FNBP4: variants seen among roughly 807,000 people sequenced by gnomAD.
The protein encoded by FNBP4 is formin-binding protein 4.
In FNBP4, 34 loss-of-function variants were observed where a neutral mutation model predicts 119.3. The ratio of observed to expected loss-of-function variants is 0.28; its 90% CI spans 0.22 to 0.38. The LOEUF (loss-of-function observed/expected upper bound fraction) is 0.38, where lower values mean the gene tolerates loss of function less well. Ranked by LOEUF, FNBP4 falls within the 10% of genes least tolerant of loss-of-function variation. FNBP4 has a pLI of 1.00. For synonymous variants in FNBP4, 462 were observed against 430.6 expected (o/e 1.07, Z -0.90); for missense variants, 1,112 against 1,228.9 (o/e 0.90, Z 1.42).
At chr11:47,756,879 C>A (rs1010459643) in intron 2 of FNBP4, among the ~76,000 whole-genome samples, 7 of 152,004 alleles carry the variant, frequency 4.6e-5, no homozygotes, top group Non-Finnish European at 1.0e-4. Flanking sequence ...TGAACTCATC[C>A]TTTTTTATGG....
Position 47,765,297 on chromosome 11 carries a change from T to C in FNBP4, c.286A>G (p.Thr96Ala), listed in dbSNP as rs1433958571. 6.2e-7 allele frequency: 1 copy of C among 1,611,834 alleles called. No homozygotes were observed. Among genetic ancestry groups the C allele is most frequent in the East Asian group, 2.2e-5 (1 of 44,790 alleles). ...GTTGCTTTAACAGCTGTGGGTCTAG[T>C]GGTCATGACTGGTTTTGGAGGATTC... ...VQNPPKPVMT[T>A]RPTAVKATGG... The change falls in exon 2 of 17, where the codon ACT becomes GCT. Residue 96 changes from threonine (T) to alanine (A), a missense_variant. By Grantham distance (58) the Thr-to-Ala change is moderately conservative. Transcript: ENST00000263773.
intron 8 of FNBP4, among the ~76,000 whole-genome samples, chr11:47,740,964 C>G (rs1267547850): frequency 6.6e-6 from 1 of 150,732 alleles, no homozygotes; most frequent in Admixed American, 6.6e-5. Context: ...TCTCAGCTCA[C>G]CACAACCTCC....
intron 12 of FNBP4, among the ~76,000 whole-genome samples, chr11:47,730,705 T>C (rs1016296014): frequency 1.3e-5 from 2 of 152,182 alleles, no homozygotes; most frequent in Non-Finnish European, 2.9e-5. Flanking sequence ...TCTTTACACA[T>C]TGGAAACTTT....
At chr11:47,730,708 G>C (rs2097566388) in intron 12 of FNBP4, among the ~76,000 whole-genome samples, 1 of 152,104 alleles carries the variant, frequency 6.6e-6, no homozygotes, top group Middle Eastern at 3.2e-3. Flanking sequence ...TTACACATTG[G>C]AAACTTTTTA....
At chr11:47,747,549 T>G (rs1475280762) in intron 6 of FNBP4, among the ~76,000 whole-genome samples, 1 of 152,134 alleles carries the variant, frequency 6.6e-6, no homozygotes, top group African/African-American at 2.4e-5. Flanking sequence ...TCAGGTGATC[T>G]GCCCACCTCA....
At position 47,751,304 on chromosome 11, in the gene FNBP4, C is replaced by G. The variant is rs573088152; in HGVS notation, c.638-14G>C. On this transcript the variant is annotated splice_polypyrimidine_tract_variant and intron_variant, in intron 4 of 16. Coordinates refer to ENST00000263773, the MANE Select transcript of FNBP4 (RefSeq NM_015308.5). ...TCTCAATTCCGACTAGAAGATAAAA[C>G]AAATTTTAAGCACAAATCCCTCTAC... 1 of 1,613,644 alleles carries G rather than the reference C, an allele frequency of 6.2e-7. No individual in the cohort carries two copies. Among genetic ancestry groups the G allele is most frequent in the Admixed American group, 1.7e-5 (1 of 59,934 alleles).
intron 8 of FNBP4, among the ~76,000 whole-genome samples, chr11:47,741,588 C>T (rs1412130830): frequency 1.3e-5 from 2 of 151,516 alleles, no homozygotes; most frequent in African/African-American, 4.9e-5. Flanking sequence ...GAGGCTGAGG[C>T]GGGTGGATCA....
At chr11:47,728,860 T>C (rs1423346377) in intron 12 of FNBP4, among the ~76,000 whole-genome samples, 1 of 149,866 alleles carries the variant, frequency 6.7e-6, no homozygotes, top group Non-Finnish European at 1.5e-5. Flanking sequence ...TTTTTTTTTT[T>C]TTTTTTTTTA....
At chr11:47,760,055 T>TA (rs1241114987) in intron 2 of FNBP4, among the ~76,000 whole-genome samples, 1 of 152,194 alleles carries the variant, frequency 6.6e-6, no homozygotes, top group Non-Finnish European at 1.5e-5. Context: ...GTATTTTCAT[T>TA]ACAAAATTTC....
intron 9 of FNBP4, among the ~76,000 whole-genome samples, chr11:47,735,141 G>A (rs1393653805): frequency 6.6e-6 from 1 of 152,100 alleles, no homozygotes; most frequent in African/African-American, 2.4e-5. Context: ...TACCTGGTTT[G>A]TGATAATCAT....
At chr11:47,720,714 A>G (rs536974206) in intron 15 of FNBP4, among the ~76,000 whole-genome samples, 2 of 151,462 alleles carry the variant, frequency 1.3e-5, no homozygotes, top group South Asian at 4.2e-4. Flanking sequence ...TCAGAATTAC[A>G]GTGTTCCCGT....
chr11:47,752,065 A>C (rs757537407), intron 4 of FNBP4, among the ~76,000 whole-genome samples: 10 of 152,158 alleles, frequency 6.6e-5, no homozygotes, highest in Non-Finnish European at 1.5e-4. Context: ...TTTAAAAGAT[A>C]AAAATTACAT....
intron 8 of FNBP4, among the ~76,000 whole-genome samples, chr11:47,743,407 T>A (rs1285267663): frequency 6.6e-6 from 1 of 151,962 alleles, no homozygotes; most frequent in Non-Finnish European, 1.5e-5. Flanking sequence ...TGCTTGAATC[T>A]GGGAGGCGGA....
Position 47,746,120 on chromosome 11 carries a change from C to A in FNBP4, c.1181G>T (p.Gly394Val). Residue 394 changes from glycine to valine, a missense_variant, in exon 7 of 17, where the codon GGA (glycine) becomes GTA (valine). Gly to Val is a moderately radical substitution (Grantham distance 109, BLOSUM62 -3). Coordinates refer to ENST00000263773, the MANE Select transcript of FNBP4 (RefSeq NM_015308.5). ...QEDLCSVVQS[G>V]ESEEEEEQDT... ...TTGTTCCTCTTCCTCCTCACTTTCTCCAGATTGGACAACACTGCAAAGATC... is the reference window on the plus strand; with the variant it reads ...TTGTTCCTCTTCCTCCTCACTTTCTACAGATTGGACAACACTGCAAAGATC... 1 of 1,613,148 alleles carries A rather than the reference C, an allele frequency of 6.2e-7. No homozygotes were observed.
At chr11:47,766,835 G>A (rs754052101) in intron 1 of FNBP4, among the ~76,000 whole-genome samples, 12 of 152,134 alleles carry the variant, frequency 7.9e-5, no homozygotes, top group Non-Finnish European at 4.4e-5. Flanking sequence ...AAACGTTCCC[G>A]GGGCAAGCCC....
chr11:47,742,631 T>A (rs991141554), intron 8 of FNBP4, among the ~76,000 whole-genome samples: 1 of 151,924 alleles, frequency 6.6e-6, no homozygotes, highest in Non-Finnish European at 1.5e-5. Context: ...CTCATGCCTG[T>A]AATCCCAGCA....
At chr11:47,740,609 T>C (rs1046454805) in intron 8 of FNBP4, among the ~76,000 whole-genome samples, 6 of 139,474 alleles carry the variant, frequency 4.3e-5, no homozygotes, top group East Asian at 2.1e-4. Context: ...GTTTTTTTTT[T>C]CCCCGAGACA....
At chr11:47,750,121 G>A (rs2097598971) in intron 6 of FNBP4, among the ~76,000 whole-genome samples, 1 of 152,082 alleles carries the variant, frequency 6.6e-6, no homozygotes, top group African/African-American at 2.4e-5. Flanking sequence ...GCTCATGCCT[G>A]TAATCTCAGC....
chr11:47,755,979 A>C (rs967914077), intron 2 of FNBP4, among the ~76,000 whole-genome samples: 1 of 152,248 alleles, frequency 6.6e-6, no homozygotes, highest in African/African-American at 2.4e-5. Context: ...GCTGAAACAA[A>C]GACTTTCAAA....
Sources: allele counts gnomAD v4.1 joint callset (sites outside exome capture counted in the v4.1 genomes callset), GRCh38; gene constraint gnomAD v4.1.1; transcripts MANE v1.5; gene names NCBI Gene and HGNC (gene_info 2026-07-23, HGNC 2026-07-21).